GP2: variants seen among roughly 807,000 people sequenced by gnomAD.
GP2 encodes the protein pancreatic secretory granule membrane major glycoprotein GP2.
A neutral mutation model predicts 60.8 loss-of-function variants in GP2; 58 were observed. The ratio of observed to expected loss-of-function variants is 0.95; its 90% CI spans 0.77 to 1.19. The LOEUF (loss-of-function observed/expected upper bound fraction) is 1.19, where lower values mean the gene tolerates loss of function less well. Ranked by LOEUF, GP2 falls within the 50% of genes most tolerant of loss-of-function variation. The probability of loss-of-function intolerance (pLI) is 0.00; values close to 1 mark genes in which losing one functional copy is unlikely to be tolerated. For synonymous variants in GP2, 280 were observed against 253.4 expected, an observed-to-expected ratio of 1.10 and a Z score of -1.00; for missense variants, 647 against 667.4, an observed-to-expected ratio of 0.97 and a Z score of 0.34.
At chr16:20,320,648 C>T (rs1430632994) in intron 4 of GP2, among the ~76,000 whole-genome samples, 175 bp from the exon 5 acceptor site, 3 of 152,204 alleles carry the variant, frequency 2.0e-5, no homozygotes, top group Non-Finnish European at 2.9e-5. Flanking sequence ...GGGGGCCCCT[C>T]ATTCAAGATT....
intron 10 of GP2, among the ~76,000 whole-genome samples, chr16:20,313,104 A>G (rs1195050194): frequency 6.6e-6 from 1 of 152,204 alleles, no homozygotes; most frequent in African/African-American, 2.4e-5. Flanking sequence ...TGAGGATGGA[A>G]AGAACCTTTT....
At chr16:20,322,023 G>T (rs922359887) in intron 4 of GP2, among the ~76,000 whole-genome samples, 11 of 152,216 alleles carry the variant, frequency 7.2e-5, no homozygotes, top group African/African-American at 2.7e-4. Flanking sequence ...TCTTCAAGGA[G>T]ATCAAGGTTG....
Position 20,317,232 on chromosome 16 carries a change from A to C in GP2, c.1397T>G (p.Leu466Arg). ...ACTCACAGGCTGGCACTGTTCATTAAGAGAATCACAGAGATGAATCTCACA... is the reference window on the plus strand; with the variant it reads ...ACTCACAGGCTGGCACTGTTCATTACGAGAATCACAGAGATGAATCTCACA... Reference protein sequence around the residue: ...LHCEIHLCDSLNEQCQPSCSR... With the variant: ...LHCEIHLCDSRNEQCQPSCSR... Residue 466 changes from leucine to arginine, a missense_variant, in exon 8 of 11, where the codon CTT becomes CGT. Leu to Arg is a moderately radical substitution (Grantham distance 102). Coordinates refer to ENST00000302555, the MANE Select transcript of GP2 (RefSeq NM_001502.4). 6.2e-7 allele frequency: 1 copy of C among 1,613,236 alleles called. No homozygotes were observed. Among genetic ancestry groups the C allele is most frequent in the East Asian group, 2.2e-5 (1 of 44,846 alleles).
In GP2 at chr16:20,320,355, G is replaced by A; in HGVS notation, c.765C>T (p.Asp255=). 1 of 1,613,952 alleles carries A rather than the reference G, an allele frequency of 6.2e-7. No individual in the cohort carries two copies. The highest frequency in any genetic ancestry group is 2.2e-5 in the East Asian group (1 of 44,866). Residue 255 remains aspartate (D), a synonymous_variant, in exon 5 of 11, where the codon GAC becomes GAT. Coordinates refer to ENST00000302555, the MANE Select transcript of GP2 (RefSeq NM_001502.4). ...LGEEVIAYLR[D]PNCSSILQTE... ...TCTGCAAGATGCTGCTGCAGTTTGGGTCTCGCAGGTAGGCAATGACCTCCT... is the reference window on the plus strand; with the variant it reads ...TCTGCAAGATGCTGCTGCAGTTTGGATCTCGCAGGTAGGCAATGACCTCCT...
rs1963959795 is a variant in GP2, at chr16:20,310,230, C to T, written c.*993G>A. On this transcript the variant is annotated 3_prime_UTR_variant, in exon 11 of 11. Coordinates refer to ENST00000302555, the MANE Select transcript of GP2 (RefSeq NM_001502.4). ...GGACTTCTTGCTTAATCCTTCAGAG[C>T]AAGCACAGCACTGTTTACAGTGAGA... The T allele has an allele frequency of 6.6e-6, 1 of 152,188 alleles. No individual in the cohort carries two copies. The highest frequency in any genetic ancestry group is 1.5e-5 in the Non-Finnish European group (1 of 68,050). 9.4% of individuals were successfully genotyped at this position (152,188 alleles called of 1,614,324 possible). A position where few individuals can be genotyped will look rare whatever the true frequency, so the allele number is the denominator to read the frequency against.
intron 3 of GP2, 133 bp from the exon 4 acceptor site, chr16:20,323,112 C>A (rs1272184147): frequency 9.5e-6 from 6 of 631,530 alleles, no homozygotes; most frequent in Non-Finnish European, 1.7e-5. Flanking sequence ...GTGGAAGCAT[C>A]AAGCCTGACT....
chr16:20,326,351 A>G lies in GP2; in HGVS notation c.81T>C (p.Ser27=). 1 of 1,613,934 alleles carries G rather than the reference A, an allele frequency of 6.2e-7. No homozygotes were observed. The highest frequency in any genetic ancestry group is 8.5e-7 in the Non-Finnish European group (1 of 1,179,816). The change falls in exon 2 of 11, where the codon TCT becomes TCC. Residue 27 remains serine, a synonymous_variant. Transcript: ENST00000302555. ...CAGAATACTTACCTCGCTGCACTGC[A>G]GATGCCTGGGTCAGAATGCAGGAGA... ...ALVSCILTQA[S]AVQRGYGNPI...
chr16:20,312,071 G>A (rs1219688624), intron 10 of GP2, among the ~76,000 whole-genome samples: 3 of 152,230 alleles, frequency 2.0e-5, no homozygotes, highest in African/African-American at 7.2e-5. Flanking sequence ...ATTAAGCATT[G>A]AGACCATTGC....
At chr16:20,317,060 TC>T (rs1964199411) in intron 8 of GP2, among the ~76,000 whole-genome samples, 152 bp downstream of exon 8, 1 of 149,826 alleles carries the variant, frequency 6.7e-6, no homozygotes. Flanking sequence ...CCGTTCTCTT[TC>T]CCCTTCCCCT....
chr16:20,323,447 C>T (rs557285980), intron 3 of GP2: 2 of 714,300 alleles, frequency 2.8e-6, no homozygotes, highest in Non-Finnish European at 2.6e-6. Context: ...GCAACAAGGA[C>T]ATTGTGAGCA....
Position 20,318,218 on chromosome 16 carries a change from G to T in GP2, c.1220C>A (p.Ala407Asp), listed in dbSNP as rs760574284. 1.9e-6 allele frequency: 3 copies of T among 1,611,488 alleles called. No individual in the cohort carries two copies. The highest frequency in any genetic ancestry group is 2.5e-6 in the Non-Finnish European group (3 of 1,177,538). ...NCYATPTEDK[A>D]DLVKYFIIRN... ...GATGATGAAATACTTCACAAGGTCA[G>T]CCTTGTCTTCAGTGGGGGTGGCATA... The change falls in exon 7 of 11, where the codon GCT becomes GAT. Residue 407 changes from alanine to aspartate, a missense_variant. Physicochemically the swap from Ala to Asp is moderately radical, Grantham distance 126. Coordinates refer to ENST00000302555, the MANE Select transcript of GP2 (RefSeq NM_001502.4).
rs752365828 is a variant in GP2 at position 20,324,206 on chromosome 16, C to T, written c.145G>A (p.Gly49Arg). ...ASSYGLDLDC[G>R]APGTPEAHVC... ...TGAGCCTCTGGGGTGCCAGGAGCTC[C>T]GCAGTCCAGGTCCAGCCCATACGAA... The change falls in exon 3 of 11, where the codon GGA becomes AGA. Residue 49 changes from glycine to arginine, a missense_variant. Physicochemically the swap from Gly to Arg is moderately radical, Grantham distance 125. Coordinates refer to ENST00000302555, the MANE Select transcript of GP2 (RefSeq NM_001502.4). The T allele has an allele frequency of 9.3e-6, 15 of 1,613,490 alleles. No individual in the cohort carries two copies. The highest frequency in any genetic ancestry group is 3.3e-5 in the South Asian group (3 of 91,058).
Position 20,323,495 on chromosome 16 carries a change from C to G in GP2, c.535+321G>C, listed in dbSNP as rs563618046. 4.3e-3 allele frequency: 2,520 copies of G among 589,680 alleles called. 15 individuals are homozygous for G. The highest frequency in any genetic ancestry group is 0.012 in the African/African-American group (639 of 53,670). The allele number at this position is 589,680 out of a possible 1,614,324, so 36.5% of individuals were successfully genotyped here. A position where few individuals can be genotyped will look rare whatever the true frequency, so the allele number is the denominator to read the frequency against. On this transcript the variant is annotated intron_variant, in intron 3 of 10. Transcript: ENST00000302555. ...TGTTATTTTTGCTGTACCCCCCCCC[C>G]CTTTTTTTCAGATCAGAACACTGAG...
At chr16:20,320,498 T>C (rs779257895) in intron 4 of GP2, 25 bp from the exon 5 acceptor site, 9 of 1,513,386 alleles carry the variant, frequency 5.9e-6, no homozygotes, top group South Asian at 1.1e-5. Context: ...TGAAGGCAAG[T>C]AGAATGGACA....
chr16:20,326,484 A>G lies in GP2; in HGVS notation c.-36-17T>C, dbSNP rs1451020649. ...CCCATGCAGCTATGGGAAAGAAAAG[A>G]CCAAGATAAGATTAGGGCATAGGTC... On this transcript the variant is annotated splice_polypyrimidine_tract_variant and intron_variant, in intron 1 of 10. Transcript: ENST00000302555. The G allele has an allele frequency of 6.2e-7, 1 of 1,604,164 alleles. No individual in the cohort carries two copies. The highest frequency in any genetic ancestry group is 1.1e-5 in the South Asian group (1 of 90,200).
At chr16:20,323,351 C>A (rs1396137373) in intron 3 of GP2, 3 of 718,368 alleles carry the variant, frequency 4.2e-6, no homozygotes, top group Non-Finnish European at 7.8e-6. Context: ...CTCTCTGTGC[C>A]CCTAACTGGG....
intron 7 of GP2, 103 bp downstream of exon 7, chr16:20,318,082 A>T: frequency 1.1e-6 from 1 of 901,622 alleles, no homozygotes; most frequent in Non-Finnish European, 1.8e-6. Context: ...GATTGTGGTT[A>T]TGATATGTAG....
intron 3 of GP2, 107 bp downstream of exon 3, chr16:20,323,709 C>A: frequency 1.4e-6 from 1 of 726,610 alleles, no homozygotes; most frequent in Non-Finnish European, 2.3e-6. Flanking sequence ...GTCGAGGCTG[C>A]TCTGCATCCT....
Position 20,323,380 on chromosome 16 carries a change from C to G in GP2, c.536-401G>C, listed in dbSNP as rs896934279. 1.9e-5 allele frequency: 14 copies of G among 718,406 alleles called. No individual in the cohort carries two copies. In the East Asian group the frequency reaches 3.5e-4, roughly 18 times the overall value. The allele number at this position is 718,406 out of a possible 1,614,324, so 44.5% of individuals were successfully genotyped here. On this transcript the variant is annotated intron_variant, in intron 3 of 10. Transcript: ENST00000302555. ...AACTGGGGTAATTAGGTAGCACTTA[C>G]CTCGTGGAACTGGGGAGAGGATCAA...
Sources: allele counts gnomAD v4.1 joint callset (sites outside exome capture counted in the v4.1 genomes callset), GRCh38; gene constraint gnomAD v4.1.1; transcripts MANE v1.5; gene names NCBI Gene and HGNC (gene_info 2026-07-23, HGNC 2026-07-21).